Variants in ABCF2 observed in about 807,000 individuals in gnomAD.
ABCF2 encodes ATP binding cassette subfamily F member 2.
In ABCF2, 37 loss-of-function variants were observed where a neutral mutation model predicts 76.9. The ratio of observed to expected loss-of-function variants is 0.48; its 90% CI spans 0.37 to 0.63. ABCF2 has a LOEUF of 0.63. ABCF2 is among the 30% of genes least tolerant of loss of function. The pLI, the probability that ABCF2 is intolerant of heterozygous loss-of-function variation, is 0.00. For synonymous variants in ABCF2, 299 were observed against 283.7 expected (o/e 1.05, Z -0.54); for missense variants, 524 against 782.1 (o/e 0.67, Z 3.94).
intron 5 of ABCF2, among the ~76,000 whole-genome samples, chr7:151,222,835 A>G (rs1317714129): frequency 6.6e-6 from 1 of 152,240 alleles, no homozygotes; most frequent in African/African-American, 2.4e-5. Flanking sequence ...TCAGAAGCAT[A>G]TAAGGACAGT....
rs1802050188 is a variant in ABCF2 at position 151,211,816 on chromosome 7, A to G, written c.*2238T>C. The G allele has an allele frequency of 1.0e-6, 1 of 985,410 alleles. No homozygotes were observed. Among genetic ancestry groups the G allele is most frequent in the African/African-American group, 1.7e-5 (1 of 57,354 alleles). The allele number at this position is 985,410 out of a possible 1,614,324, so 61.0% of individuals were successfully genotyped here. A position where few individuals can be genotyped will look rare whatever the true frequency, so the allele number is the denominator to read the frequency against. On this transcript the variant is annotated 3_prime_UTR_variant, in exon 15 of 15. Transcript: ENST00000287844. ...TGCTCCAGGCCCCACTTAAGGCATA[A>G]AGCAGTCAAGCCAGTACCCTCTGGG...
At position 151,213,919 on chromosome 7, in the gene ABCF2, G is replaced by A. The variant is rs1263426004; in HGVS notation, c.*135C>T. ...AGAGTGCAGCTAAGGCAGGTTGAGG[G>A]GCAGGGGAGAGGCTGGGGGAGCAGT... is the stretch of plus-strand genomic sequence containing the variant. On this transcript the variant is annotated 3_prime_UTR_variant, in exon 15 of 15. Coordinates refer to ENST00000287844, the MANE Select transcript of ABCF2 (RefSeq NM_007189.3). The A allele has an allele frequency of 1.3e-6, 2 of 1,483,750 alleles. No individual in the cohort carries two copies. Among genetic ancestry groups the A allele is most frequent in the Non-Finnish European group, 8.9e-7 (1 of 1,125,928 alleles). 91.9% of individuals were successfully genotyped at this position (1,483,750 alleles called of 1,614,324 possible).
rs1470112133 is a variant in ABCF2, at chr7:151,214,940, G to A, written c.1673C>T (p.Ala558Val). 6.2e-7 allele frequency: 1 copy of A among 1,614,078 alleles called. No individual in the cohort carries two copies. Among genetic ancestry groups the A allele is most frequent in the Non-Finnish European group, 8.5e-7 (1 of 1,180,042 alleles). ...CATACCACCCTCAAACTCATTGATG[G>A]CATCTGCCAGGGCGTCGATGGTCTC... Reference protein sequence around the residue: ...DIETIDALADAINEFEGGMML... With the variant: ...DIETIDALADVINEFEGGMML... The change falls in exon 14 of 15, where the codon GCC becomes GTC. Residue 558 changes from alanine (A) to valine (V), a missense_variant. Coordinates refer to ENST00000287844, the MANE Select transcript of ABCF2 (RefSeq NM_007189.3). The surrounding 1 kb of genome is among the most constrained non-coding windows in gnomAD (Gnocchi z 4.9).
rs1802051246 is a variant in ABCF2, at chr7:151,211,878, C to T, written c.*2176G>A. ...CCCATCTGTCTCAGCTGCAGTGTCT[C>T]ACGGGAGGCTCCTGTCCCTGTTGCC... is the stretch of plus-strand genomic sequence containing the variant. On this transcript the variant is annotated 3_prime_UTR_variant, in exon 15 of 15. Transcript: ENST00000287844. 2 of 985,448 alleles carry T rather than the reference C, an allele frequency of 2.0e-6. No individual in the cohort carries two copies. Among genetic ancestry groups the T allele is most frequent in the Non-Finnish European group, 2.4e-6 (2 of 829,940 alleles). 61.0% of individuals were successfully genotyped at this position (985,448 alleles called of 1,614,324 possible). A position where few individuals can be genotyped will look rare whatever the true frequency, so the allele number is the denominator to read the frequency against.
chr7:151,222,850 G>A (rs749278145), intron 5 of ABCF2, among the ~76,000 whole-genome samples: 3 of 152,180 alleles, frequency 2.0e-5, no homozygotes, highest in Non-Finnish European at 2.9e-5. Flanking sequence ...GACAGTTCGA[G>A]GCAAGGCTGT....
At position 151,219,165 on chromosome 7, in the gene ABCF2, T is replaced by C. The variant is rs1802215604; in HGVS notation, c.922-6A>G. On this transcript the variant is annotated splice_region_variant and splice_polypyrimidine_tract_variant and intron_variant, in intron 7 of 14. Transcript: ENST00000287844. ...ACGTACTGATCATAATTACCCTGCA[T>C]GGAAATGTGCCAGGTAAGGCAGGCA... The C allele has an allele frequency of 1.9e-6, 3 of 1,613,138 alleles. No individual in the cohort carries two copies. The highest frequency in any genetic ancestry group is 2.2e-5 in the East Asian group (1 of 44,880).
At chr7:151,222,405 G>C in intron 6 of ABCF2, 116 bp downstream of exon 6, 1 of 782,672 alleles carries the variant, frequency 1.3e-6, no homozygotes, top group Admixed American at 2.3e-5. Flanking sequence ...AGTGAACTCT[G>C]TCCTTCCTTC....
At position 151,211,748 on chromosome 7, in the gene ABCF2, A is replaced by G; in HGVS notation, c.*2306T>C. ...CTCTCCAGATGCCATTCTCCCCTGA[A>G]CCAAGGCTCTGGACTCTCAGGACAG... On this transcript the variant is annotated 3_prime_UTR_variant, in exon 15 of 15. Transcript: ENST00000287844. 1 of 985,322 alleles carries G rather than the reference A, an allele frequency of 1.0e-6. No homozygotes were observed. Among genetic ancestry groups the G allele is most frequent in the African/African-American group, 1.7e-5 (1 of 57,320 alleles). The allele number at this position is 985,322 out of a possible 1,614,324, so 61.0% of individuals were successfully genotyped here. A position where few individuals can be genotyped will look rare whatever the true frequency, so the allele number is the denominator to read the frequency against.
At chr7:151,218,044 A>C in intron 11 of ABCF2, 37 bp downstream of exon 11, 1 of 1,474,394 alleles carries the variant, frequency 6.8e-7, no homozygotes. Flanking sequence ...CGCAAGGCCT[A>C]ATCTTAGAGG....
At chr7:151,224,387 A>G (rs1802332978) in intron 3 of ABCF2, among the ~76,000 whole-genome samples, 1 of 152,084 alleles carries the variant, frequency 6.6e-6, no homozygotes, top group Admixed American at 6.5e-5. Context: ...TGCTGTAACT[A>G]ATCATGTGGT....
At chr7:151,218,912 G>A (rs146657660) in intron 8 of ABCF2, 39 bp from the exon 9 acceptor site, 440 of 1,611,042 alleles carry the variant, frequency 2.7e-4, no homozygotes, top group African/African-American at 1.5e-3. Flanking sequence ...ATGTGCAGGC[G>A]CTCAACAATT....
rs552271821 is a variant in ABCF2 at position 151,215,921 on chromosome 7, C to T, written c.1401+46G>A. ...TGGAACTCAGCCAGATACAGCCCCT[C>T]CCTATACCCTGGGCAATTCCCCGGA... On this transcript the variant is annotated intron_variant, in intron 12 of 14. Coordinates refer to ENST00000287844, the MANE Select transcript of ABCF2 (RefSeq NM_007189.3). The surrounding 1 kb of genome is among the most constrained non-coding windows in gnomAD (Gnocchi z 4.6). 3.7e-4 allele frequency: 600 copies of T among 1,606,144 alleles called. 7 individuals carry two copies. In the South Asian group the frequency reaches 6.2e-3, roughly 16 times the overall value.
intron 11 of ABCF2, among the ~76,000 whole-genome samples, chr7:151,217,413 A>G (rs569716655): frequency 3.5e-4 from 53 of 152,316 alleles, no homozygotes; most frequent in Admixed American, 6.5e-4. Flanking sequence ...AATCATTTCT[A>G]TTTTTCATCA....
chr7:151,226,245 T>C, intron 2 of ABCF2, 60 bp downstream of exon 2: 2 of 1,551,304 alleles, frequency 1.3e-6, no homozygotes, highest in Non-Finnish European at 1.8e-6. Flanking sequence ...ATTCCAACTC[T>C]GGCTGGGGCA....
chr7:151,226,759 A>C (rs1295080575), intron 1 of ABCF2: 2 of 263,060 alleles, frequency 7.6e-6, no homozygotes, highest in Admixed American at 1.1e-4. Context: ...TCCTTCTTTC[A>C]GGGCCTCCGG....
chr7:151,214,785 G>C lies in ABCF2; in HGVS notation c.1734+94C>G. ...ACTCTGAGCCCCTTCTCTTAATTCA[G>C]TAGGCGGGTATTATGCACCCTCCAC... On this transcript the variant is annotated intron_variant, in intron 14 of 14. Transcript: ENST00000287844. The surrounding 1 kb of genome is among the most constrained non-coding windows in gnomAD (Gnocchi z 4.9). 1 of 1,199,102 alleles carries C rather than the reference G, an allele frequency of 8.3e-7. No individual in the cohort carries two copies. Among genetic ancestry groups the C allele is most frequent in the Non-Finnish European group, 1.2e-6 (1 of 822,096 alleles). 74.3% of individuals were successfully genotyped at this position (1,199,102 alleles called of 1,614,324 possible). A position where few individuals can be genotyped will look rare whatever the true frequency, so the allele number is the denominator to read the frequency against.
In ABCF2 at chr7:151,223,763, G is replaced by A; in HGVS notation, c.637C>T (p.His213Tyr). 2 of 1,613,794 alleles carry A rather than the reference G, an allele frequency of 1.2e-6. No individual in the cohort carries two copies. Among genetic ancestry groups the A allele is most frequent in the Non-Finnish European group, 1.7e-6 (2 of 1,179,884 alleles). The change falls in exon 5 of 15, where the codon CAT becomes TAT. Residue 213 changes from histidine to tyrosine, a missense_variant. By Grantham distance (83) the His-to-Tyr change is moderately conservative (BLOSUM62 2). Transcript: ENST00000287844. ...ATGGCAGGTGTGAAACCCAGTCCATGCAAGATCCGCGAGGCCCTCATCTCT... is the reference window on the plus strand; with the variant it reads ...ATGGCAGGTGTGAAACCCAGTCCATACAAGATCCGCGAGGCCCTCATCTCT... ...KAEMRASRIL[H>Y]GLGFTPAMQR... is the part of the protein sequence containing the mutation.
intron 11 of ABCF2, 84 bp downstream of exon 11, chr7:151,217,997 T>G: frequency 3.9e-6 from 4 of 1,020,642 alleles, no homozygotes; most frequent in Non-Finnish European, 6.0e-6. Context: ...CCTCCCAAAG[T>G]AGTAGCCCCT....
intron 6 of ABCF2, among the ~76,000 whole-genome samples, chr7:151,222,149 T>C (rs188547256): frequency 1.3e-5 from 2 of 152,214 alleles, no homozygotes; most frequent in Admixed American, 1.3e-4. Flanking sequence ...TGTAGGACCA[T>C]GACCATATTG....
Sources: allele counts gnomAD v4.1 joint callset (sites outside exome capture counted in the v4.1 genomes callset), GRCh38; gene constraint gnomAD v4.1.1; non-coding constraint Gnocchi (gnomAD v3.1); transcripts MANE v1.5; gene names NCBI Gene and HGNC (gene_info 2026-07-23, HGNC 2026-07-21).